KCNH1: variants seen among roughly 807,000 people sequenced by gnomAD.
KCNH1 encodes voltage-gated delayed rectifier potassium channel KCNH1.
In KCNH1, 27 loss-of-function variants were observed where a neutral mutation model predicts 69.2. The ratio of observed to expected loss-of-function variants is 0.39; its 90% CI spans 0.29 to 0.54. The LOEUF is 0.54. Among genes scored for constraint, KCNH1 ranks in the 20% least tolerant of loss-of-function variants. The pLI is 0.68. For missense variants in KCNH1, 798 were observed against 1,261.6 expected (o/e 0.63, Z 5.57); for synonymous variants, 456 against 487.7 (o/e 0.93, Z 0.86).
rs1013423295 is a variant in KCNH1 at position 210,933,528 on chromosome 1, A to T, written c.1033-13459T>A. Among the ~76,000 whole-genome samples the T allele has an allele frequency of 3.3e-4, 16 of 48,936 alleles. No individual in the cohort carries two copies. In the East Asian group the frequency reaches 6.4e-3, roughly 20 times the overall value. The allele number at this position is 48,936 out of a possible 152,430, so 32.1% of individuals were successfully genotyped here. A position where few individuals can be genotyped will look rare whatever the true frequency, so the allele number is the denominator to read the frequency against. ...TAAAGTATAATAATAATAAAATTTAAAAAAAAAATCAGAACAAAAATAAAT... is the reference window on the plus strand; with the variant it reads ...TAAAGTATAATAATAATAAAATTTATAAAAAAAATCAGAACAAAAATAAAT... On this transcript the variant is annotated intron_variant, in intron 6 of 10. Coordinates refer to ENST00000271751, the MANE Select transcript of KCNH1 (RefSeq NM_172362.3).
At chr1:210,763,504 C>CT (rs1683562638) in intron 10 of KCNH1, among the ~76,000 whole-genome samples, 2 of 151,964 alleles carry the variant, frequency 1.3e-5, no homozygotes, top group Non-Finnish European at 2.9e-5. Flanking sequence ...AATTTGATGA[C>CT]TTCAGGAAAG....
chr1:210,947,577 A>G (rs534539624), intron 6 of KCNH1, among the ~76,000 whole-genome samples: 1 of 151,254 alleles, frequency 6.6e-6, no homozygotes, highest in East Asian at 1.9e-4. Context: ...TCTGTCTCAA[A>G]AAAAAAAAAA....
At chr1:210,861,119 A>C (rs1430644171) in intron 7 of KCNH1, 1 of 891,160 alleles carries the variant, frequency 1.1e-6, no homozygotes, top group Non-Finnish European at 1.9e-6. Context: ...GGCAAAGGAA[A>C]TGAAATCTTC....
intron 10 of KCNH1, among the ~76,000 whole-genome samples, chr1:210,725,704 G>A (rs532120834): frequency 4.6e-4 from 70 of 152,152 alleles, no homozygotes; most frequent in Non-Finnish European, 8.4e-4. Context: ...GGCTCTCAAG[G>A]CTCTTCAGAA....
chr1:210,708,552 T>C (rs1681972433), intron 10 of KCNH1, among the ~76,000 whole-genome samples: 1 of 152,180 alleles, frequency 6.6e-6, no homozygotes, highest in South Asian at 2.1e-4. Context: ...ATAAACTTGC[T>C]GATCACTCGA....
At chr1:211,125,383 A>G (rs184686000) in intron 1 of KCNH1, among the ~76,000 whole-genome samples, 25 of 152,368 alleles carry the variant, frequency 1.6e-4, no homozygotes, top group African/African-American at 6.0e-4. Flanking sequence ...CTTAATGATG[A>G]TGGCATAGAA....
rs1484467582 is a variant in KCNH1 at position 211,133,768 on chromosome 1, C to T, written c.79+99G>A. ...CGCCGCGGCTCCTTAGCAGAGCTCG[C>T]GGGTTCTGCTGCATCTGCTGGCTCC... On this transcript the variant is annotated intron_variant, in intron 1 of 10. Transcript: ENST00000271751. This position sits in a 1 kb window ranked among gnomAD's most constrained non-coding sequence, Gnocchi z 5.4. 7.0e-6 allele frequency: 8 copies of T among 1,145,468 alleles called. No homozygotes were observed. The highest frequency in any genetic ancestry group is 1.9e-5 in the Admixed American group (1 of 53,132). 71.0% of individuals were successfully genotyped at this position (1,145,468 alleles called of 1,614,324 possible).
At chr1:210,920,343 T>G (rs1687433846) in intron 6 of KCNH1, among the ~76,000 whole-genome samples, 1 of 152,172 alleles carries the variant, frequency 6.6e-6, no homozygotes. Context: ...CAAATACCTG[T>G]GGGCATCTTT....
intron 5 of KCNH1, among the ~76,000 whole-genome samples, chr1:211,053,840 CAA>C (rs35503065): frequency 0.071 from 10,792 of 152,086 alleles, 456 homozygotes; most frequent in Middle Eastern, 0.11. Context: ...AATTAAACAC[CAA>C]GAGAGAGGAT....
At chr1:210,952,113 T>C (rs971986378) in intron 6 of KCNH1, among the ~76,000 whole-genome samples, 7 of 152,120 alleles carry the variant, frequency 4.6e-5, no homozygotes, top group African/African-American at 1.7e-4. Flanking sequence ...TTCCTCTCTG[T>C]CTCTTTACCT....
intron 5 of KCNH1, among the ~76,000 whole-genome samples, chr1:211,038,581 C>A (rs1689939137): frequency 6.6e-6 from 1 of 152,066 alleles, no homozygotes; most frequent in East Asian, 1.9e-4. Flanking sequence ...TGGCTTTGCC[C>A]AAAATGCTGA....
intron 10 of KCNH1, among the ~76,000 whole-genome samples, chr1:210,718,297 AAT>A (rs1321456665): frequency 7.3e-6 from 1 of 136,122 alleles, no homozygotes; most frequent in Non-Finnish European, 1.5e-5. Context: ...TGTGTATATA[AAT>A]ATATGTATAT....
intron 6 of KCNH1, among the ~76,000 whole-genome samples, chr1:210,997,051 A>AT (rs1156585849): frequency 8.5e-5 from 13 of 152,200 alleles, no homozygotes; most frequent in Non-Finnish European, 1.9e-4. Flanking sequence ...ATAAAACCAC[A>AT]AATATGGGGA....
chr1:211,132,041 C>T (rs1418428885), intron 1 of KCNH1, among the ~76,000 whole-genome samples: 2 of 152,216 alleles, frequency 1.3e-5, no homozygotes, highest in African/African-American at 4.8e-5. Context: ...CCTTAAAACC[C>T]AAGGCATCTT....
At chr1:211,029,204 A>G (rs888594904) in intron 5 of KCNH1, among the ~76,000 whole-genome samples, 1 of 148,800 alleles carries the variant, frequency 6.7e-6, no homozygotes, top group African/African-American at 2.5e-5. Flanking sequence ...GTGGTGGTAC[A>G]TGCCTATAGT....
In KCNH1 at chr1:210,804,038, C is replaced by A; in HGVS notation, c.1591G>T (p.Gly531Ter). ...TAATCCATTACTCGCTCACTCAATC[C>A]TTTTGGCACCTGGTAGAGCTTCAGG... Reference protein sequence around the residue: ...DFLKLYQVPKGLSERVMDYIV... With the variant: ...DFLKLYQVPK Residue 531 changes from glycine (G) to a stop codon, truncating the protein, a stop_gained, in exon 8 of 11, where the codon GGA becomes TGA. Coordinates refer to ENST00000271751, the MANE Select transcript of KCNH1 (RefSeq NM_172362.3). LOFTEE classifies it high-confidence loss of function. 6.2e-7 allele frequency: 1 copy of A among 1,614,206 alleles called. No individual in the cohort carries two copies. Among genetic ancestry groups the A allele is most frequent in the Non-Finnish European group, 8.5e-7 (1 of 1,180,038 alleles).
chr1:211,134,081 C>T lies in KCNH1; in HGVS notation c.-136G>A, dbSNP rs960600698. 1 of 697,408 alleles carries T rather than the reference C, an allele frequency of 1.4e-6. No individual in the cohort carries two copies. The allele number at this position is 697,408 out of a possible 1,614,324, so 43.2% of individuals were successfully genotyped here. A position where few individuals can be genotyped will look rare whatever the true frequency, so the allele number is the denominator to read the frequency against. On this transcript the variant is annotated 5_prime_UTR_variant, in exon 1 of 11. Transcript: ENST00000271751. This position sits in a 1 kb window ranked among gnomAD's most constrained non-coding sequence, Gnocchi z 5.7. ...GGCGGGGATCCGCAGGCAGGGCTGG[C>T]GGCTCCCTCTGGCTGCTACCCTCGC...
intron 6 of KCNH1, among the ~76,000 whole-genome samples, chr1:210,967,743 C>T (rs913510235): frequency 1.3e-5 from 2 of 152,092 alleles, no homozygotes; most frequent in African/African-American, 4.8e-5. Context: ...TTTCTTCATT[C>T]GTTTCTTCCT....
intron 5 of KCNH1, among the ~76,000 whole-genome samples, chr1:211,052,134 A>G (rs1690218413): frequency 6.6e-6 from 1 of 152,236 alleles, no homozygotes; most frequent in African/African-American, 2.4e-5. Flanking sequence ...TAATAAATAC[A>G]TACACAAAAC....
Sources: gnomAD v4.1 joint callset for allele counts (sites outside exome capture counted in the v4.1 genomes callset) on GRCh38, gnomAD v4.1.1 for gene constraint, Gnocchi (gnomAD v3.1) non-coding constraint, MANE v1.5 for transcripts, NCBI Gene and HGNC (gene_info 2026-07-23, HGNC 2026-07-21) for gene names.